Variants in PCBP2 observed in about 807,000 individuals in gnomAD.
PCBP2 encodes poly(rC) binding protein 2.
PCBP2 carries 4 observed loss-of-function variants against 50.1 expected under a neutral mutation model. The ratio of observed to expected loss-of-function variants is 0.08; its 90% CI spans 0.04 to 0.18. The LOEUF is 0.18. Ranked by LOEUF, PCBP2 falls within the 10% of genes least tolerant of loss-of-function variation. PCBP2 has a pLI of 1.00. For missense variants in PCBP2, 161 were observed against 474.3 expected (o/e 0.34, Z 6.14); for synonymous variants, 179 against 168.0 (o/e 1.07, Z -0.51).
intron 8 of PCBP2, among the ~76,000 whole-genome samples, chr12:53,462,873 G>A (rs548919616): frequency 5.7e-4 from 87 of 152,276 alleles, no homozygotes; most frequent in African/African-American, 2.1e-3. Flanking sequence ...TGTTTTATGT[G>A]TGTGGGGTGA....
intron 5 of PCBP2, among the ~76,000 whole-genome samples, chr12:53,457,368 A>G (rs1333934358): frequency 6.7e-6 from 1 of 148,836 alleles, no homozygotes; most frequent in Non-Finnish European, 1.5e-5. Context: ...TTATTTTTTT[A>G]TTTTTTTATT....
At chr12:53,461,236 G>T (rs1160606748) in intron 7 of PCBP2, 93 bp downstream of exon 7, 4 of 1,396,324 alleles carry the variant, frequency 2.9e-6, no homozygotes, top group Non-Finnish European at 3.9e-6. Context: ...ATTAAGTGAG[G>T]CTGTTAAGGC....
At chr12:53,457,386 A>G (rs1941109853) in intron 5 of PCBP2, among the ~76,000 whole-genome samples, 1 of 150,634 alleles carries the variant, frequency 6.6e-6, no homozygotes, top group Admixed American at 6.6e-5. Flanking sequence ...ATTTTTTGAG[A>G]CAGGGTCTTG....
intron 13 of PCBP2, among the ~76,000 whole-genome samples, chr12:53,470,438 T>G (rs1327582395): frequency 7.5e-6 from 1 of 132,936 alleles, no homozygotes; most frequent in African/African-American, 2.8e-5. Context: ...AGGGTCTCCC[T>G]CTGTTGCCCA....
intron 9 of PCBP2, chr12:53,465,060 T>A: frequency 1.5e-5 from 6 of 394,768 alleles, no homozygotes; most frequent in Non-Finnish European, 1.7e-5. Context: ...TTTTTTTTAA[T>A]TTTTTTTTTG....
intron 7 of PCBP2, 30 bp downstream of exon 7, chr12:53,461,173 G>A (rs1399251692): frequency 1.9e-6 from 3 of 1,611,438 alleles, no homozygotes; most frequent in East Asian, 2.2e-5. Context: ...CTGAAAATGG[G>A]GGGAGGGCCA....
intron 13 of PCBP2, among the ~76,000 whole-genome samples, chr12:53,470,154 G>A (rs1942108179): frequency 6.6e-6 from 1 of 151,928 alleles, no homozygotes; most frequent in South Asian, 2.1e-4. Flanking sequence ...GGGAGGCTGA[G>A]GCAAGTGGGT....
At chr12:53,477,536 G>A (rs940904865) in intron 14 of PCBP2, among the ~76,000 whole-genome samples, 2 of 151,686 alleles carry the variant, frequency 1.3e-5, no homozygotes, top group Non-Finnish European at 2.9e-5. Context: ...CATGGTGGTG[G>A]GCGCCTGTAG....
rs202077269 is a variant in PCBP2 at position 53,468,722 on chromosome 12, CAGTG to C, written c.827-52_827-49del. ...CCTTCTGTTAGTTTAATGTGCAAGT[CAGTG>C]AGGTTTTGAATGCTGTGCATTGAAT... On this transcript the variant is annotated intron_variant, in intron 12 of 14. Transcript: ENST00000546463. 8.0e-4 allele frequency: 1,010 copies of C among 1,267,240 alleles called. 12 individuals are homozygous for C. The East Asian group carries it at 0.018, about 23-fold the overall frequency. The allele number at this position is 1,267,240 out of a possible 1,614,324, so 78.5% of individuals were successfully genotyped here. A position where few individuals can be genotyped will look rare whatever the true frequency, so the allele number is the denominator to read the frequency against.
chr12:53,480,230 A>G lies in PCBP2; in HGVS notation c.*788A>G, dbSNP rs1331836539. 1 of 152,172 alleles carries G rather than the reference A, an allele frequency of 6.6e-6. No individual in the cohort carries two copies. Among genetic ancestry groups the G allele is most frequent in the East Asian group, 1.9e-4 (1 of 5,192 alleles). The allele number at this position is 152,172 out of a possible 1,614,324, so 9.4% of individuals were successfully genotyped here. A position where few individuals can be genotyped will look rare whatever the true frequency, so the allele number is the denominator to read the frequency against. Reference sequence around the variant, plus strand: ...CCCCTTGTTCAGGCTTGCATATTTTAAACTAAAAATTTCAGTCTATTGTTT... The same window carrying G: ...CCCCTTGTTCAGGCTTGCATATTTTGAACTAAAAATTTCAGTCTATTGTTT... On this transcript the variant is annotated 3_prime_UTR_variant, in exon 15 of 15. Transcript: ENST00000546463.
intron 8 of PCBP2, among the ~76,000 whole-genome samples, chr12:53,463,983 G>C (rs929764340): frequency 1.3e-5 from 2 of 152,214 alleles, no homozygotes; most frequent in African/African-American, 4.8e-5. Context: ...GGTCGGTTAT[G>C]TCACAGTGTT....
chr12:53,468,655 A>T, intron 12 of PCBP2, 122 bp from the exon 13 acceptor site: 1 of 765,702 alleles, frequency 1.3e-6, no homozygotes, highest in Non-Finnish European at 2.3e-6. Flanking sequence ...CAAGTTAGTG[A>T]TGAATCCCAA....
chr12:53,463,256 C>T (rs1941578511), intron 8 of PCBP2, among the ~76,000 whole-genome samples: 1 of 152,178 alleles, frequency 6.6e-6, no homozygotes, highest in Non-Finnish European at 1.5e-5. Flanking sequence ...AACTCTTGAT[C>T]TTTGGCACGT....
At chr12:53,470,716 A>G (rs1413253593) in intron 13 of PCBP2, among the ~76,000 whole-genome samples, 1 of 150,558 alleles carries the variant, frequency 6.6e-6, no homozygotes, top group Non-Finnish European at 1.5e-5. Context: ...TGTGCTGTCC[A>G]GGGTCATATT....
chr12:53,475,549 CTTTTTTTT>C (rs67600882), intron 14 of PCBP2: 2 of 146,290 alleles, frequency 1.4e-5, no homozygotes, highest in African/African-American at 2.6e-5. Flanking sequence ...GCTTCGTTAA[CTTTTTTTT>C]TTTTTTTTAA....
At chr12:53,470,138 A>G (rs1413982817) in intron 13 of PCBP2, among the ~76,000 whole-genome samples, 1 of 151,948 alleles carries the variant, frequency 6.6e-6, no homozygotes, top group African/African-American at 2.4e-5. Context: ...TAATCCCAGC[A>G]CTTGTGGGAG....
intron 1 of PCBP2, chr12:53,454,342 A>C (rs1449893495): frequency 6.4e-6 from 1 of 156,828 alleles, no homozygotes; most frequent in Non-Finnish European, 1.4e-5. Context: ...ACAAAAGGTC[A>C]TTTGCCCTCG....
intron 5 of PCBP2, among the ~76,000 whole-genome samples, chr12:53,457,277 T>A (rs1029264228): frequency 3.3e-5 from 5 of 152,214 alleles, no homozygotes; most frequent in African/African-American, 1.2e-4. Context: ...GGTCTCAAAC[T>A]CCTGACCTCA....
intron 14 of PCBP2, chr12:53,475,191 G>A (rs771798671): frequency 4.4e-6 from 2 of 456,272 alleles, no homozygotes; most frequent in African/African-American, 2.0e-5. Context: ...ACTGAAAGGC[G>A]AGAAACAGAG....
Sources: allele counts gnomAD v4.1 joint callset (sites outside exome capture counted in the v4.1 genomes callset), GRCh38; gene constraint gnomAD v4.1.1; transcripts MANE v1.5; gene names NCBI Gene and HGNC (gene_info 2026-07-23, HGNC 2026-07-21).